UGGT2: variants seen among roughly 807,000 people sequenced by gnomAD.
UGGT2 encodes the protein UDP-glucose:glycoprotein glucosyltransferase 2.
A neutral mutation model predicts 192.1 loss-of-function variants in UGGT2; 180 were observed. That is an observed-to-expected ratio of 0.94 (90% CI 0.83 to 1.06). The LOEUF (loss-of-function observed/expected upper bound fraction) is 1.06. Ranked by LOEUF, UGGT2 falls within the 50% of genes least tolerant of loss-of-function variation. The probability of loss-of-function intolerance (pLI) is 0.00; values close to 1 mark genes in which losing one functional copy is unlikely to be tolerated. For missense variants in UGGT2, 1,849 were observed against 1,795.7 expected, an observed-to-expected ratio of 1.03 and a Z score of -0.54; for synonymous variants, 580 against 591.0, an observed-to-expected ratio of 0.98 and a Z score of 0.27.
chr13:95,859,227 T>C (rs1239119769), intron 33 of UGGT2, among the ~76,000 whole-genome samples: 1 of 152,138 alleles, frequency 6.6e-6, no homozygotes, highest in African/African-American at 2.4e-5. Flanking sequence ...GGTATAGTCT[T>C]TGTATTTTCT....
Position 95,895,174 on chromosome 13 carries a change from A to C in UGGT2, c.2759+6T>G. The C allele has an allele frequency of 8.3e-6, 13 of 1,574,282 alleles. No individual in the cohort carries two copies. The highest frequency in any genetic ancestry group is 1.1e-5 in the Non-Finnish European group (13 of 1,169,586). On this transcript the variant is annotated splice_donor_region_variant and intron_variant, in intron 23 of 38. Transcript: ENST00000376747. ...AATGAATTGCTCTTAGAACTTATAT[A>C]CTCACTTATTTGCGTTGATTCCCAT...
At chr13:95,925,984 C>T (rs1329579400) in intron 19 of UGGT2, among the ~76,000 whole-genome samples, 3 of 151,680 alleles carry the variant, frequency 2.0e-5, no homozygotes, top group South Asian at 2.1e-4. Flanking sequence ...TATAAAAATG[C>T]TACAAGGGTA....
Position 95,981,463 on chromosome 13 carries a change from CAAAAAAAAAAA to C in UGGT2, c.1092+2330_1092+2340del, listed in dbSNP as rs1217185848. 2.8e-5 allele frequency among the ~76,000 whole-genome samples: 4 copies of C among 140,680 alleles called. 2 individuals are homozygous for C. Among genetic ancestry groups the C allele is most frequent in the African/African-American group, 1.2e-4 (4 of 33,440 alleles). The allele number at this position is 140,680 out of a possible 152,430, so 92.3% of individuals were successfully genotyped here. ...TGGGCGACAGAGCGAGACTCCGTCT[CAAAAAAAAAAA>C]AAAAAAAAAAAAAAGACACTTTTGT... On this transcript the variant is annotated intron_variant, in intron 10 of 38. Coordinates refer to ENST00000376747, the MANE Select transcript of UGGT2 (RefSeq NM_020121.4).
chr13:95,973,774 G>C (rs1233437374), intron 10 of UGGT2, among the ~76,000 whole-genome samples: 1 of 152,142 alleles, frequency 6.6e-6, no homozygotes, highest in Admixed American at 6.6e-5. Context: ...CTTATTAGCT[G>C]TTAAGATTTG....
In UGGT2 at chr13:96,053,399, G is replaced by A. The variant is rs1265619831; in HGVS notation, c.-87C>T. 1.3e-6 allele frequency: 2 copies of A among 1,500,558 alleles called. No individual in the cohort carries two copies. Among genetic ancestry groups the A allele is most frequent in the Non-Finnish European group, 1.8e-6 (2 of 1,132,094 alleles). 93.0% of individuals were successfully genotyped at this position (1,500,558 alleles called of 1,614,324 possible). A position where few individuals can be genotyped will look rare whatever the true frequency, so the allele number is the denominator to read the frequency against. On this transcript the variant is annotated 5_prime_UTR_variant, in exon 1 of 39. Coordinates refer to ENST00000376747, the MANE Select transcript of UGGT2 (RefSeq NM_020121.4). ...TTCGGCCGGCTCTTCCCGCTGCGCG[G>A]CTGCCCACTTCCGGTGGGAGGAGCT...
intron 37 of UGGT2, among the ~76,000 whole-genome samples, chr13:95,833,865 C>T (rs1886989413): frequency 6.6e-6 from 1 of 152,168 alleles, no homozygotes; most frequent in African/African-American, 2.4e-5. Context: ...AGCCCATTCA[C>T]TATTTACAAA....
At chr13:95,831,820 A>T (rs1041477649) in intron 38 of UGGT2, among the ~76,000 whole-genome samples, 2 of 151,890 alleles carry the variant, frequency 1.3e-5, no homozygotes, top group Non-Finnish European at 2.9e-5. Flanking sequence ...TTTTTTGTTG[A>T]GGTAATTTTC....
chr13:95,999,445 G>A, intron 5 of UGGT2, 138 bp from the exon 6 acceptor site: 1 of 734,546 alleles, frequency 1.4e-6, no homozygotes, highest in Admixed American at 2.6e-5. Context: ...AAAAATTTGG[G>A]GGTTGTTTAT....
At chr13:95,828,470 A>G (rs985456330) in intron 38 of UGGT2, among the ~76,000 whole-genome samples, 5 of 152,224 alleles carry the variant, frequency 3.3e-5, no homozygotes, top group African/African-American at 1.2e-4. Flanking sequence ...ATGCAATAAA[A>G]AATGATAAAG....
At chr13:96,038,753 C>T (rs532317497) in intron 1 of UGGT2, among the ~76,000 whole-genome samples, 1 of 152,122 alleles carries the variant, frequency 6.6e-6, no homozygotes, top group African/African-American at 2.4e-5. Context: ...CCCCCAAAGC[C>T]CCCAAAATCC....
intron 1 of UGGT2, among the ~76,000 whole-genome samples, chr13:96,043,700 C>A (rs190752936): frequency 3.3e-5 from 5 of 151,968 alleles, no homozygotes; most frequent in South Asian, 2.1e-4. Flanking sequence ...ACACCAAAAG[C>A]GAGCAAGAGT....
rs752557761 is a variant in UGGT2, at chr13:95,867,328, C to A, written c.3558+11G>T. The stretch of plus-strand genomic sequence containing the variant: ...AGAACAAAGCCTATAAAAAGTTCTG[C>A]CCCCACATACTTTTACTTTGAGTAT... On this transcript the variant is annotated intron_variant, in intron 30 of 38. Transcript: ENST00000376747. 6.3e-7 allele frequency: 1 copy of A among 1,592,624 alleles called. No individual in the cohort carries two copies. The highest frequency in any genetic ancestry group is 1.2e-5 in the South Asian group (1 of 86,274).
chr13:95,946,450 C>T (rs1594405985), intron 15 of UGGT2, among the ~76,000 whole-genome samples: 1 of 152,140 alleles, frequency 6.6e-6, no homozygotes, highest in East Asian at 1.9e-4. Context: ...CTCATTGCAG[C>T]CTCAACCTTC....
At chr13:95,816,844 G>A (rs1485087358) in intron 38 of UGGT2, among the ~76,000 whole-genome samples, 2 of 152,144 alleles carry the variant, frequency 1.3e-5, no homozygotes, top group Non-Finnish European at 2.9e-5. Context: ...TCACTAAACT[G>A]GGCTGGGCAC....
At chr13:95,939,836 C>T (rs1332549037) in intron 16 of UGGT2, 121 bp downstream of exon 16, 2 of 771,084 alleles carry the variant, frequency 2.6e-6, no homozygotes, top group African/African-American at 1.9e-5. Context: ...CTCTGGTAAC[C>T]CCCATTTTAC....
intron 1 of UGGT2, among the ~76,000 whole-genome samples, chr13:96,039,399 C>T (rs766226660): frequency 1.3e-5 from 2 of 152,118 alleles, no homozygotes; most frequent in Non-Finnish European, 2.9e-5. Flanking sequence ...CGGATCCTCC[C>T]CAGATCCTTC....
intron 12 of UGGT2, among the ~76,000 whole-genome samples, chr13:95,966,635 CCTTA>C (rs993137816): frequency 9.2e-5 from 14 of 152,092 alleles, no homozygotes; most frequent in African/African-American, 3.1e-4. Flanking sequence ...TCATTACACA[CCTTA>C]CATACATAAG....
At chr13:96,008,775 G>A (rs2052063891) in intron 5 of UGGT2, among the ~76,000 whole-genome samples, 1 of 152,162 alleles carries the variant, frequency 6.6e-6, no homozygotes, top group East Asian at 1.9e-4. Context: ...CAGGCTGGAA[G>A]AATCAATATT....
chr13:95,841,696 T>G (rs1185705362), intron 36 of UGGT2, among the ~76,000 whole-genome samples: 3 of 152,238 alleles, frequency 2.0e-5, no homozygotes, highest in Non-Finnish European at 4.4e-5. Context: ...CTTTAAATTT[T>G]GATGCTAATT....
Sources: gnomAD v4.1 joint callset for allele counts (sites outside exome capture counted in the v4.1 genomes callset) on GRCh38, gnomAD v4.1.1 for gene constraint, MANE v1.5 for transcripts, NCBI Gene and HGNC (gene_info 2026-07-23, HGNC 2026-07-21) for gene names.